Variants in PSMD6 observed in about 807,000 individuals in gnomAD.
PSMD6 encodes 26S proteasome non-ATPase regulatory subunit 6.
Under a neutral mutation model 44.9 loss-of-function variants are expected in PSMD6, and 7 were observed. That is an observed-to-expected ratio of 0.16 (90% CI 0.09 to 0.29). PSMD6 has a LOEUF of 0.29. PSMD6 is among the 10% of genes least tolerant of loss of function. The probability of loss-of-function intolerance (pLI) is 1.00; values close to 1 mark genes in which losing one functional copy is unlikely to be tolerated. For synonymous variants in PSMD6, 184 were observed against 172.7 expected, an observed-to-expected ratio of 1.07 and a Z score of -0.51; for missense variants, 420 against 482.6, an observed-to-expected ratio of 0.87 and a Z score of 1.21.
chr3:64,015,158 C>G (rs2076022728), intron 5 of PSMD6: 1 of 152,102 alleles, frequency 6.6e-6, no homozygotes, highest in African/African-American at 2.4e-5. Flanking sequence ...TATTTCTGTC[C>G]TCTCAGACTG....
chr3:64,021,031 G>C (rs572555514), intron 2 of PSMD6, among the ~76,000 whole-genome samples: 1 of 152,074 alleles, frequency 6.6e-6, no homozygotes, highest in African/African-American at 2.4e-5. Context: ...GGAGTAAGCT[G>C]GCTGCTATGC....
chr3:64,021,361 A>G (rs1276912200), intron 2 of PSMD6, among the ~76,000 whole-genome samples: 1 of 152,220 alleles, frequency 6.6e-6, no homozygotes, highest in Non-Finnish European at 1.5e-5. Flanking sequence ...ATGCTGAATG[A>G]AAAGGGCAAA....
intron 2 of PSMD6, among the ~76,000 whole-genome samples, chr3:64,020,960 G>GTT (rs2076119282): frequency 6.6e-6 from 1 of 151,880 alleles, no homozygotes; most frequent in Admixed American, 6.6e-5. Context: ...CTATTACACA[G>GTT]TTACTCAATT....
chr3:64,010,825 T>G, intron 7 of PSMD6, 53 bp downstream of exon 7: 3 of 1,573,772 alleles, frequency 1.9e-6, no homozygotes, highest in South Asian at 2.3e-5. Context: ...ATGACAATAG[T>G]TGACCTACTT....
intron 2 of PSMD6, 27 bp from the exon 3 acceptor site, chr3:64,019,468 G>A (rs374366874): frequency 8.5e-5 from 136 of 1,595,498 alleles, no homozygotes; most frequent in Non-Finnish European, 1.1e-4. Context: ...GGCAATAGGT[G>A]AGAAAAGGCT....
chr3:64,012,458 G>A (rs988411452), intron 6 of PSMD6: 1 of 152,176 alleles, frequency 6.6e-6, no homozygotes, highest in Non-Finnish European at 1.5e-5. Context: ...GGTCCTCTCT[G>A]CCACCTTACT....
At chr3:64,023,008 G>A (rs1181418195) in intron 1 of PSMD6, 1 of 1,420,818 alleles carries the variant, frequency 7.0e-7, no homozygotes, top group African/African-American at 1.4e-5. Context: ...TAGCACAGGG[G>A]TAAATATTAA....
intron 5 of PSMD6, chr3:64,017,834 C>A (rs2076071499): frequency 6.6e-6 from 1 of 152,182 alleles, no homozygotes; most frequent in South Asian, 2.1e-4. Flanking sequence ...AAATTTGCAG[C>A]ATAAACAAAA....
chr3:64,011,119 C>G, intron 6 of PSMD6, 164 bp from the exon 7 acceptor site: 1 of 543,114 alleles, frequency 1.8e-6, no homozygotes, highest in East Asian at 3.0e-5. Flanking sequence ...ATACTGCAGG[C>G]TTTAAGTCAT....
At chr3:64,019,919 G>A (rs2106869100) in intron 2 of PSMD6, 1 of 152,458 alleles carries the variant, frequency 6.6e-6, no homozygotes, top group African/African-American at 2.4e-5. Flanking sequence ...AAAATAATTT[G>A]TTCACACTTG....
chr3:64,022,936 AATAC>A (rs2076156334), intron 1 of PSMD6: 1 of 1,441,688 alleles, frequency 6.9e-7, no homozygotes, highest in South Asian at 1.4e-5. Context: ...CTCCCACAGG[AATAC>A]CCCGCGCCCG....
chr3:64,010,707 T>C lies in PSMD6; in HGVS notation c.1131A>G (p.Leu377=). 1.9e-6 allele frequency: 3 copies of C among 1,610,366 alleles called. No individual in the cohort carries two copies. The highest frequency in any genetic ancestry group is 2.2e-5 in the South Asian group (2 of 90,864). Reference sequence around the variant, plus strand: ...CTCTGGAAAGTTTTTGAACTCTGTTTAGTAGCAGATCTCCTTTCTTGATAG... The same window carrying C: ...CTCTGGAAAGTTTTTGAACTCTGTTCAGTAGCAGATCTCCTTTCTTGATAG... ...QETIKKGDLL[L]NRVQKLSRVI... Residue 377 remains leucine (L), a synonymous_variant, in exon 8 of 8, where the codon CTA becomes CTG. Coordinates refer to ENST00000295901, the MANE Select transcript of PSMD6 (RefSeq NM_014814.3).
chr3:64,023,795 A>T (rs1439490440), upstream of PSMD6: 1 of 1,476,350 alleles, frequency 6.8e-7, no homozygotes, highest in South Asian at 1.2e-5. Context: ...GCATTAATAA[A>T]AACAATCACC....
At position 64,019,233 on chromosome 3, in the gene PSMD6, T is replaced by C. The variant is rs1011222022; in HGVS notation, c.497+63A>G. ...TGTAAACAAAACAGGCAGTTTCTTA[T>C]ATCAGCTTCTCATTTGTAGCATCAT... On this transcript the variant is annotated intron_variant, in intron 3 of 7. Coordinates refer to ENST00000295901, the MANE Select transcript of PSMD6 (RefSeq NM_014814.3). 43 of 1,509,760 alleles carry C rather than the reference T, an allele frequency of 2.8e-5. No individual in the cohort carries two copies. The African/African-American group carries it at 4.1e-4, about 14-fold the overall frequency. The allele number at this position is 1,509,760 out of a possible 1,614,324, so 93.5% of individuals were successfully genotyped here.
In PSMD6 at chr3:64,022,315, C is replaced by T. The variant is rs777441161; in HGVS notation, c.351+3G>A. 6.2e-7 allele frequency: 1 copy of T among 1,614,012 alleles called. No individual in the cohort carries two copies. Among genetic ancestry groups the T allele is most frequent in the African/African-American group, 1.3e-5 (1 of 74,924 alleles). On this transcript the variant is annotated splice_donor_region_variant and intron_variant, in intron 2 of 7. Transcript: ENST00000295901. ...ACAGAGAGGGAAAACCATCTCTACT[C>T]ACTTTGTCACCTATCCGGCAGAGGT...
At chr3:64,023,549 G>C (rs2076169815), upstream of PSMD6, 1 of 1,408,096 alleles carries the variant, frequency 7.1e-7, no homozygotes, top group Non-Finnish European at 9.3e-7. Context: ...TCCGCCGGCA[G>C]CGTCCTCTGC....
At chr3:64,023,141 C>G in intron 1 of PSMD6, 134 bp downstream of exon 1, 1 of 1,423,320 alleles carries the variant, frequency 7.0e-7, no homozygotes, top group Non-Finnish European at 9.1e-7. Context: ...CCCTAAGGGC[C>G]GGAGAAGCCA....
intron 5 of PSMD6, chr3:64,017,591 G>A (rs1001039705): frequency 6.6e-6 from 1 of 152,194 alleles, no homozygotes; most frequent in Non-Finnish European, 1.5e-5. Context: ...AACTGTGTGT[G>A]TATGTATGAG....
At chr3:64,016,781 A>G (rs2076050717) in intron 5 of PSMD6, 1 of 152,188 alleles carries the variant, frequency 6.6e-6, no homozygotes, top group African/African-American at 2.4e-5. Context: ...AGTTCCTCAA[A>G]AAGTTTATCA....
Sources: allele counts gnomAD v4.1 joint callset (sites outside exome capture counted in the v4.1 genomes callset), GRCh38; gene constraint gnomAD v4.1.1; transcripts MANE v1.5; gene names NCBI Gene and HGNC (gene_info 2026-07-23, HGNC 2026-07-21).